The following CHSY3 variants were observed in gnomAD, a reference collection of about 807,000 sequenced individuals.
CHSY3 encodes N-acetylgalactosaminyl-proteoglycan 3-beta-glucuronosyltransferase 3.
Under a neutral mutation model 67.2 loss-of-function variants are expected in CHSY3, and 35 were observed. The observed-to-expected ratio is 0.52, with a 90% confidence interval of 0.40 to 0.69. The LOEUF is 0.69. Ranked by LOEUF, CHSY3 falls within the 30% of genes least tolerant of loss-of-function variation. The pLI is 0.00. For missense variants in CHSY3, 1,069 were observed against 1,138.5 expected (o/e 0.94, Z 0.88); for synonymous variants, 474 against 434.7 (o/e 1.09, Z -1.12).
At chr5:130,081,503 A>T (rs924814756) in intron 2 of CHSY3, among the ~76,000 whole-genome samples, 14 of 152,154 alleles carry the variant, frequency 9.2e-5, no homozygotes, top group Admixed American at 7.9e-4. Context: ...TAATATCTCA[A>T]ACCAGTACCT....
At chr5:129,970,443 TAGATAGACAGAC>T (rs1412035867) in intron 2 of CHSY3, among the ~76,000 whole-genome samples, 1 of 128,866 alleles carries the variant, frequency 7.8e-6, no homozygotes, top group East Asian at 2.2e-4. Flanking sequence ...GATAGATAGA[TAGATAGACAGAC>T]AGAAAGTGCT....
intron 2 of CHSY3, among the ~76,000 whole-genome samples, chr5:130,147,969 A>C (rs1451681224): frequency 1.3e-5 from 2 of 152,056 alleles, no homozygotes; most frequent in Admixed American, 1.3e-4. Context: ...TAACCACAAC[A>C]ACCATGGTTA....
At chr5:130,119,847 G>A (rs2149708211) in intron 2 of CHSY3, among the ~76,000 whole-genome samples, 1 of 151,868 alleles carries the variant, frequency 6.6e-6, no homozygotes, top group East Asian at 1.9e-4. Flanking sequence ...ACGCAAAAAG[G>A]CAAATTAAAA....
Position 130,069,661 on chromosome 5 carries a change from C to A in CHSY3, c.1087-114568C>A, listed in dbSNP as rs574647880. Among the ~76,000 whole-genome samples the A allele has an allele frequency of 3.7e-4, 56 of 152,004 alleles. 1 individual carries two copies. In the South Asian group the frequency reaches 7.9e-3, roughly 21 times the overall value. Reference sequence around the variant, plus strand: ...TTATGGCTTTATTTACATATTATATCATATATGATTTGAATCTTCACTATC... The same window carrying A: ...TTATGGCTTTATTTACATATTATATAATATATGATTTGAATCTTCACTATC... On this transcript the variant is annotated intron_variant, in intron 2 of 2. Transcript: ENST00000305031.
Position 130,032,860 on chromosome 5 carries a change from G to A in CHSY3, c.1086+124500G>A, listed in dbSNP as rs79472275. ...GGAGAAGGGTGAGGAAGCCCAATTA[G>A]TTGGGCCAGGGAAGCCATTAGACAG... On this transcript the variant is annotated intron_variant, in intron 2 of 2. Transcript: ENST00000305031. Among the ~76,000 whole-genome samples, 926 of 152,264 alleles carry A rather than the reference G, an allele frequency of 6.1e-3. 13 individuals carry two copies. The highest frequency in any genetic ancestry group is 0.021 in the African/African-American group (852 of 41,560).
intron 2 of CHSY3, among the ~76,000 whole-genome samples, chr5:129,964,722 C>T (rs1403106085): frequency 6.6e-6 from 1 of 151,876 alleles, no homozygotes; most frequent in Non-Finnish European, 1.5e-5. Context: ...ATCTTAATTA[C>T]TGTCATAAGA....
intron 2 of CHSY3, among the ~76,000 whole-genome samples, chr5:130,107,113 A>G (rs907244859): frequency 1.3e-5 from 2 of 151,274 alleles, no homozygotes; most frequent in African/African-American, 4.8e-5. Flanking sequence ...ATTTAACATA[A>G]CATTGATAAT....
At chr5:130,114,626 T>C (rs1490124106) in intron 2 of CHSY3, 1 of 152,204 alleles carries the variant, frequency 6.6e-6, no homozygotes, top group African/African-American at 2.4e-5. Context: ...CACACTGTCA[T>C]GGAACTCTGA....
At chr5:129,960,130 C>G (rs1369166586) in intron 2 of CHSY3, among the ~76,000 whole-genome samples, 2 of 152,068 alleles carry the variant, frequency 1.3e-5, no homozygotes, top group Non-Finnish European at 1.5e-5. Context: ...GCACACTTAG[C>G]ACATCTTCCT....
chr5:129,907,990 A>G, intron 1 of CHSY3, 87 bp from the exon 2 acceptor site: 1 of 1,509,688 alleles, frequency 6.6e-7, no homozygotes, highest in Non-Finnish European at 8.8e-7. Flanking sequence ...TTTTAAGCAC[A>G]ATGTTGAAAG....
At chr5:130,122,510 A>G (rs542625633) in intron 2 of CHSY3, among the ~76,000 whole-genome samples, 2 of 152,348 alleles carry the variant, frequency 1.3e-5, no homozygotes, top group South Asian at 4.1e-4. Flanking sequence ...TGTGGCAAGT[A>G]GCACAAAGGC....
At chr5:130,170,741 T>C (rs191228364) in intron 2 of CHSY3, among the ~76,000 whole-genome samples, 2 of 152,304 alleles carry the variant, frequency 1.3e-5, no homozygotes, top group East Asian at 3.9e-4. Flanking sequence ...TGATTAGTGA[T>C]GTTGACCATT....
chr5:130,024,183 C>T (rs1764475162), intron 2 of CHSY3, among the ~76,000 whole-genome samples: 1 of 146,170 alleles, frequency 6.8e-6, no homozygotes, highest in South Asian at 2.1e-4. Context: ...AGGGCTTTCT[C>T]CTTGCCTGTT....
chr5:130,104,340 C>T (rs1445205445), intron 2 of CHSY3, among the ~76,000 whole-genome samples: 1 of 151,890 alleles, frequency 6.6e-6, no homozygotes, highest in Non-Finnish European at 1.5e-5. Flanking sequence ...CGAAGAGTTA[C>T]TTTACACGTG....
At chr5:129,974,037 C>T (rs1382663040) in intron 2 of CHSY3, among the ~76,000 whole-genome samples, 1 of 152,106 alleles carries the variant, frequency 6.6e-6, no homozygotes, top group South Asian at 2.1e-4. Flanking sequence ...GATTGACCAC[C>T]TCTGAACTCT....
intron 2 of CHSY3, among the ~76,000 whole-genome samples, chr5:130,018,131 A>G (rs1764265805): frequency 1.3e-5 from 2 of 152,180 alleles, no homozygotes; most frequent in South Asian, 4.1e-4. Context: ...TTTTCTCTTT[A>G]AAGAGAGAAT....
chr5:129,959,157 G>A (rs1762261146), intron 2 of CHSY3, among the ~76,000 whole-genome samples: 1 of 151,986 alleles, frequency 6.6e-6, no homozygotes, highest in Non-Finnish European at 1.5e-5. Context: ...GTTACTGCTA[G>A]ACATTAATCT....
intron 2 of CHSY3, among the ~76,000 whole-genome samples, chr5:129,992,996 T>C (rs1480004365): frequency 6.6e-6 from 1 of 152,174 alleles, no homozygotes; most frequent in Non-Finnish European, 1.5e-5. Flanking sequence ...CTGAGGGTTT[T>C]TAAACACAAA....
chr5:129,922,066 A>T (rs1473225099), intron 2 of CHSY3, among the ~76,000 whole-genome samples: 1 of 152,276 alleles, frequency 6.6e-6, no homozygotes, highest in African/African-American at 2.4e-5. Flanking sequence ...TAATTCCCAC[A>T]TGAGTGAGAA....
Sources: allele counts gnomAD v4.1 joint callset (sites outside exome capture counted in the v4.1 genomes callset), GRCh38; gene constraint gnomAD v4.1.1; transcripts MANE v1.5; gene names NCBI Gene and HGNC (gene_info 2026-07-23, HGNC 2026-07-21).